HS3ST3A1: variants seen among roughly 807,000 people sequenced by gnomAD.
The protein encoded by HS3ST3A1 is heparan sulfate glucosamine 3-O-sulfotransferase 3A1.
A neutral mutation model predicts 25.7 loss-of-function variants in HS3ST3A1; 19 were observed. That is an observed-to-expected ratio of 0.74 (90% CI 0.52 to 1.08). The LOEUF (loss-of-function observed/expected upper bound fraction) is 1.08, where lower values mean the gene tolerates loss of function less well. Ranked by LOEUF, HS3ST3A1 falls within the 50% of genes least tolerant of loss-of-function variation. The pLI, the probability that HS3ST3A1 is intolerant of heterozygous loss-of-function variation, is 0.00. For missense variants in HS3ST3A1, 459 were observed against 594.3 expected (o/e 0.77, Z 2.37); for synonymous variants, 226 against 278.6 (o/e 0.81, Z 1.88).
intron 1 of HS3ST3A1, among the ~76,000 whole-genome samples, chr17:13,501,012 A>G (rs1312418027): frequency 6.6e-6 from 1 of 152,228 alleles, no homozygotes; most frequent in African/African-American, 2.4e-5. Flanking sequence ...CAGTGACAAA[A>G]AGACAAATAC....
intron 1 of HS3ST3A1, among the ~76,000 whole-genome samples, chr17:13,572,471 C>T (rs974765701): frequency 3.3e-5 from 5 of 152,052 alleles, no homozygotes; most frequent in African/African-American, 1.2e-4. Context: ...TAGAGAAAGT[C>T]GGGGTGCTAA....
At chr17:13,598,676 T>A (rs1336743300) in intron 1 of HS3ST3A1, among the ~76,000 whole-genome samples, 1 of 152,072 alleles carries the variant, frequency 6.6e-6, no homozygotes, top group African/African-American at 2.4e-5. Context: ...TTTTTTTCTT[T>A]CTTTCTTTTT....
chr17:13,582,142 G>A (rs1347812123), intron 1 of HS3ST3A1, among the ~76,000 whole-genome samples: 1 of 151,964 alleles, frequency 6.6e-6, no homozygotes, highest in Non-Finnish European at 1.5e-5. Context: ...TTATAAAAGG[G>A]GAAACAACTC....
At chr17:13,547,289 T>TA (rs1271259494) in intron 1 of HS3ST3A1, among the ~76,000 whole-genome samples, 3 of 152,138 alleles carry the variant, frequency 2.0e-5, no homozygotes, top group Non-Finnish European at 2.9e-5. Context: ...GAGTAATAAG[T>TA]GCCTTTTGCA....
intron 1 of HS3ST3A1, among the ~76,000 whole-genome samples, chr17:13,593,273 T>G (rs2142394649): frequency 6.7e-6 from 1 of 149,166 alleles, no homozygotes; most frequent in Middle Eastern, 3.5e-3. Context: ...CCAAGTCTGA[T>G]TTTCCTCTGA....
At chr17:13,554,123 C>G (rs553967088) in intron 1 of HS3ST3A1, among the ~76,000 whole-genome samples, 2 of 152,284 alleles carry the variant, frequency 1.3e-5, no homozygotes, top group Non-Finnish European at 2.9e-5. Context: ...TTGAAAACTT[C>G]CTGCCTCATA....
At chr17:13,500,244 A>T (rs1357914936) in intron 1 of HS3ST3A1, among the ~76,000 whole-genome samples, 1 of 152,224 alleles carries the variant, frequency 6.6e-6, no homozygotes, top group Non-Finnish European at 1.5e-5. Flanking sequence ...TCTTTACCTG[A>T]GTAAGGCACA....
At chr17:13,550,903 C>T (rs1014879760) in intron 1 of HS3ST3A1, among the ~76,000 whole-genome samples, 2 of 150,884 alleles carry the variant, frequency 1.3e-5, no homozygotes, top group Admixed American at 6.6e-5. Flanking sequence ...CCCGTCTCTA[C>T]GAAAAATACA....
chr17:13,595,721 G>A (rs1350413337), intron 1 of HS3ST3A1, among the ~76,000 whole-genome samples: 1 of 152,176 alleles, frequency 6.6e-6, no homozygotes, highest in Non-Finnish European at 1.5e-5. Context: ...CTTGGTGGAG[G>A]AAGATTTCCC....
At position 13,585,840 on chromosome 17, in the gene HS3ST3A1, GTTTTTTTTTT is replaced by G. The variant is rs1207776880; in HGVS notation, c.599+14681_599+14690del. Among the ~76,000 whole-genome samples, 28 of 62,024 alleles carry G rather than the reference GTTTTTTTTTT, an allele frequency of 4.5e-4. 5 individuals are homozygous for G. The highest frequency in any genetic ancestry group is 8.1e-4 in the Non-Finnish European group (28 of 34,412). The allele number at this position is 62,024 out of a possible 152,430, so 40.7% of individuals were successfully genotyped here. A position where few individuals can be genotyped will look rare whatever the true frequency, so the allele number is the denominator to read the frequency against. ...TGAGACCTGTTATTCCTCCTTCTGC[GTTTTTTTTTT>G]TTTTTTTTTTTTTTTTTCTGACAGA... On this transcript the variant is annotated intron_variant, in intron 1 of 1. Transcript: ENST00000284110.
At chr17:13,519,840 T>C (rs1906175529) in intron 1 of HS3ST3A1, among the ~76,000 whole-genome samples, 1 of 152,184 alleles carries the variant, frequency 6.6e-6, no homozygotes, top group Non-Finnish European at 1.5e-5. Flanking sequence ...CACATTAAGC[T>C]TCAACCAATA....
At position 13,496,750 on chromosome 17, in the gene HS3ST3A1, C is replaced by A. The variant is rs374092823; in HGVS notation, c.668G>T (p.Arg223Leu). The change falls in exon 2 of 2, where the codon CGG (arginine) becomes CTG (leucine). Residue 223 changes from arginine to leucine, a missense_variant. Coordinates refer to ENST00000284110, the MANE Select transcript of HS3ST3A1 (RefSeq NM_006042.3). ...GGCCGAGATGCGCGCGGGGGCCTCCCGCGTGACGAAGTAACTGGGCGTCTT... is the reference window on the plus strand; with the variant it reads ...GGCCGAGATGCGCGCGGGGGCCTCCAGCGTGACGAAGTAACTGGGCGTCTT... The part of the protein sequence containing the change: ...MEKTPSYFVT[R>L]EAPARISAMS... 67 of 1,614,000 alleles carry A rather than the reference C, an allele frequency of 4.2e-5. No individual in the cohort carries two copies. In the African/African-American group the frequency reaches 7.6e-4, roughly 18 times the overall value.
chr17:13,504,720 G>A (rs1488040075), intron 1 of HS3ST3A1, among the ~76,000 whole-genome samples: 3 of 152,248 alleles, frequency 2.0e-5, no homozygotes, highest in East Asian at 1.9e-4. Context: ...TTTTTAAAGG[G>A]TATTTGCGAA....
intron 1 of HS3ST3A1, among the ~76,000 whole-genome samples, chr17:13,550,160 G>C (rs1210526054): frequency 6.6e-6 from 1 of 152,058 alleles, no homozygotes; most frequent in Non-Finnish European, 1.5e-5. Context: ...TAATCATTTT[G>C]TTTTGTTTTG....
At chr17:13,537,261 T>C (rs896693738) in intron 1 of HS3ST3A1, among the ~76,000 whole-genome samples, 3 of 152,254 alleles carry the variant, frequency 2.0e-5, no homozygotes, top group East Asian at 3.8e-4. Flanking sequence ...CTTGGATAAA[T>C]AGAGTGGACT....
At chr17:13,529,497 C>T (rs1329486190) in intron 1 of HS3ST3A1, among the ~76,000 whole-genome samples, 1 of 152,036 alleles carries the variant, frequency 6.6e-6, no homozygotes, top group African/African-American at 2.4e-5. Context: ...AACACAGAGT[C>T]CTGTGGGTTT....
chr17:13,571,080 G>A (rs576272466), intron 1 of HS3ST3A1, among the ~76,000 whole-genome samples: 11 of 152,238 alleles, frequency 7.2e-5, no homozygotes, highest in Non-Finnish European at 8.8e-5. Context: ...AAATTCATGC[G>A]TAGTTAGAAC....
At chr17:13,594,729 A>C (rs190674111) in intron 1 of HS3ST3A1, among the ~76,000 whole-genome samples, 6 of 152,266 alleles carry the variant, frequency 3.9e-5, no homozygotes, top group Admixed American at 2.6e-4. Flanking sequence ...CTCTCCAAAG[A>C]ATAAATTCCC....
At chr17:13,512,090 G>A (rs562889597) in intron 1 of HS3ST3A1, among the ~76,000 whole-genome samples, 48 of 152,194 alleles carry the variant, frequency 3.2e-4, no homozygotes, top group Admixed American at 7.8e-4. Flanking sequence ...CTGAGGTCAG[G>A]AGATCGAGAC....
Sources: allele counts gnomAD v4.1 joint callset (sites outside exome capture counted in the v4.1 genomes callset), GRCh38; gene constraint gnomAD v4.1.1; transcripts MANE v1.5; gene names NCBI Gene and HGNC (gene_info 2026-07-23, HGNC 2026-07-21).